The following ALS2 variants were observed in gnomAD, a reference collection of about 807,000 sequenced individuals.
ALS2 encodes the protein alsin.
In ALS2, 117 loss-of-function variants were observed where a neutral mutation model predicts 203.4. The ratio of observed to expected loss-of-function variants is 0.58; its 90% CI spans 0.50 to 0.67. The LOEUF is 0.67. Among genes scored for constraint, ALS2 ranks in the 30% least tolerant of loss-of-function variants. The pLI, the probability that ALS2 is intolerant of heterozygous loss-of-function variation, is 0.00. For missense variants in ALS2, 1,715 were observed against 1,989.4 expected, an observed-to-expected ratio of 0.86 and a Z score of 2.62; for synonymous variants, 718 against 725.9, an observed-to-expected ratio of 0.99 and a Z score of 0.17.
intron 3 of ALS2, among the ~76,000 whole-genome samples, 180 bp from the exon 4 acceptor site, chr2:201,761,998 T>A (rs1693799376): frequency 6.6e-6 from 1 of 152,232 alleles, no homozygotes; most frequent in Non-Finnish European, 1.5e-5. Context: ...TTCATCTTTT[T>A]AAAAATGACT....
intron 7 of ALS2, among the ~76,000 whole-genome samples, chr2:201,751,342 C>T (rs1403358183): frequency 2.0e-5 from 3 of 152,274 alleles, no homozygotes; most frequent in East Asian, 1.9e-4. Flanking sequence ...TCTCCTACAT[C>T]CTAATCAATG....
At chr2:201,761,917 T>C (rs1693795170) in intron 3 of ALS2, 99 bp from the exon 4 acceptor site, 12 of 1,302,776 alleles carry the variant, frequency 9.2e-6, no homozygotes, top group Non-Finnish European at 1.2e-5. Flanking sequence ...TTTAACCAAA[T>C]TGGATTTTCT....
Position 201,760,939 on chromosome 2 carries a change from A to G in ALS2, c.1055T>C (p.Leu352Pro). 6.2e-7 allele frequency: 1 copy of G among 1,614,218 alleles called. No homozygotes were observed. Among genetic ancestry groups the G allele is most frequent in the Non-Finnish European group, 8.5e-7 (1 of 1,180,030 alleles). ...TQAVNEYLRK[L>P]SDHSVREDSE... Reference sequence around the variant, plus strand: ...GTCCTCTCTTACTGAATGATCTGACAGTTTCCGTAGGTATTCATTGACTGC... The same window carrying G: ...GTCCTCTCTTACTGAATGATCTGACGGTTTCCGTAGGTATTCATTGACTGC... The change falls in exon 4 of 34, where the codon CTG (leucine) becomes CCG (proline). Residue 352 changes from leucine to proline, a missense_variant. Physicochemically the swap from Leu to Pro is moderately conservative, Grantham distance 98. Transcript: ENST00000264276.
intron 12 of ALS2, among the ~76,000 whole-genome samples, chr2:201,735,575 T>C (rs1691825378): frequency 6.6e-6 from 1 of 152,212 alleles, no homozygotes; most frequent in Admixed American, 6.5e-5. Context: ...ATCTTTACGG[T>C]AATTTTAAAT....
intron 11 of ALS2, 100 bp downstream of exon 11, chr2:201,741,574 A>G: frequency 2.4e-6 from 3 of 1,238,118 alleles, no homozygotes; most frequent in Non-Finnish European, 3.5e-6. Context: ...CTATTACCTT[A>G]TATCACTCTC....
chr2:201,777,907 T>C (rs920043880), intron 1 of ALS2, among the ~76,000 whole-genome samples: 2 of 152,178 alleles, frequency 1.3e-5, no homozygotes, highest in African/African-American at 2.4e-5. Context: ...TATGAGAAGA[T>C]AGTATTGAAT....
intron 10 of ALS2, among the ~76,000 whole-genome samples, chr2:201,743,003 G>A (rs1692381105): frequency 6.7e-6 from 1 of 149,310 alleles, no homozygotes; most frequent in South Asian, 2.1e-4. Context: ...CCCAGGAGGT[G>A]AAGGTTGCAG....
chr2:201,753,331 AAAT>A (rs1693182441), intron 6 of ALS2, 89 bp from the exon 7 acceptor site: 1 of 1,033,730 alleles, frequency 9.7e-7, no homozygotes, highest in African/African-American at 1.6e-5. Context: ...TGTCGTGTAA[AAAT>A]AAACATTTCT....
chr2:201,723,419 A>G lies in ALS2; in HGVS notation c.3535T>C (p.Trp1179Arg). 1 of 1,614,090 alleles carries G rather than the reference A, an allele frequency of 6.2e-7. No individual in the cohort carries two copies. Residue 1179 changes from tryptophan to arginine, a missense_variant, in exon 22 of 34, where the codon TGG becomes CGG. Physicochemically the swap from Trp to Arg is moderately radical, Grantham distance 101. This residue lies in a region of ALS2 where 1,227 missense variants were observed against 1,413.5 expected (regional missense o/e 0.87). Coordinates refer to ENST00000264276, the MANE Select transcript of ALS2 (RefSeq NM_020919.4). Reference sequence around the variant, plus strand: ...TTCCCTTGACACACATCATCTTGCCACATTCCCATATACTTTTCCCCCCTG... The same window carrying G: ...TTCCCTTGACACACATCATCTTGCCGCATTCCCATATACTTTTCCCCCCTG... ...ITRGEKYMGM[W>R]QDDVCQGNGV...
chr2:201,767,429 C>T lies in ALS2; in HGVS notation c.21-46G>A, dbSNP rs149881874. On this transcript the variant is annotated intron_variant, in intron 2 of 33. Transcript: ENST00000264276. ...GCTTAATTGTTTCTACAATTCAGAA[C>T]AGTATCCTTTGTTCTTAATACTTTT... is the stretch of plus-strand genomic sequence containing the variant. 3.8e-6 allele frequency: 6 copies of T among 1,599,970 alleles called. No individual in the cohort carries two copies. The East Asian group carries it at 1.1e-4, about 30-fold the overall frequency.
At chr2:201,718,935 C>T (rs1037602096) in intron 23 of ALS2, among the ~76,000 whole-genome samples, 6 of 151,620 alleles carry the variant, frequency 4.0e-5, no homozygotes, top group African/African-American at 1.5e-4. Flanking sequence ...AAACCCAAAG[C>T]AGGAAAGAGG....
intron 28 of ALS2, 92 bp from the exon 29 acceptor site, chr2:201,707,114 A>C: frequency 8.3e-7 from 1 of 1,212,024 alleles, no homozygotes; most frequent in Admixed American, 2.0e-5. Context: ...AAAAAGTCAA[A>C]AGTAGAGATG....
At chr2:201,705,493 G>A (rs757372162) in intron 29 of ALS2, 32 bp from the exon 30 acceptor site, 29 of 1,570,874 alleles carry the variant, frequency 1.8e-5, no homozygotes, top group Non-Finnish European at 2.5e-5. Flanking sequence ...ATTAATATAA[G>A]TTGTTACTTA....
chr2:201,705,024 A>C, intron 31 of ALS2, 115 bp downstream of exon 31: 1 of 1,003,286 alleles, frequency 1.0e-6, no homozygotes, highest in East Asian at 2.6e-5. Flanking sequence ...TGACACCATC[A>C]GCATATAGAA....
intron 13 of ALS2, among the ~76,000 whole-genome samples, chr2:201,732,670 CA>C (rs2106022342): frequency 6.6e-6 from 1 of 152,302 alleles, no homozygotes; most frequent in African/African-American, 2.4e-5. Context: ...AATGAAATCA[CA>C]TATTTCGATG....
intron 11 of ALS2, among the ~76,000 whole-genome samples, chr2:201,739,698 G>A (rs567756067): frequency 8.0e-5 from 12 of 150,660 alleles, no homozygotes; most frequent in African/African-American, 2.4e-4. Context: ...AGCCAAGACC[G>A]TGCCATTGCA....
At chr2:201,775,927 C>T (rs549002098) in intron 1 of ALS2, among the ~76,000 whole-genome samples, 26 of 152,206 alleles carry the variant, frequency 1.7e-4, no homozygotes, top group African/African-American at 5.8e-4. Context: ...ACTTATTCAC[C>T]GGTATACTCT....
intron 25 of ALS2, among the ~76,000 whole-genome samples, chr2:201,711,675 A>G (rs989063738): frequency 1.3e-5 from 2 of 152,226 alleles, no homozygotes; most frequent in African/African-American, 4.8e-5. Flanking sequence ...ATACTAAGAG[A>G]AAACACACGC....
At chr2:201,724,928 G>A (rs992199458) in intron 20 of ALS2, among the ~76,000 whole-genome samples, 16 of 151,880 alleles carry the variant, frequency 1.1e-4, no homozygotes, top group African/African-American at 3.9e-4. Flanking sequence ...CCTGGCTAAC[G>A]CGGTGAAACC....
Sources: allele counts gnomAD v4.1 joint callset (sites outside exome capture counted in the v4.1 genomes callset), GRCh38; gene constraint gnomAD v4.1.1; regional missense constraint gnomAD v4.1.1; transcripts MANE v1.5; gene names NCBI Gene and HGNC (gene_info 2026-07-23, HGNC 2026-07-21).